CLIP1: variants seen among roughly 807,000 people sequenced by gnomAD.
CLIP1 encodes the protein CAP-Gly domain containing linker protein 1.
CLIP1 carries 66 observed loss-of-function variants against 161.6 expected under a neutral mutation model. The ratio of observed to expected loss-of-function variants is 0.41; its 90% confidence interval spans 0.33 to 0.50. The LOEUF (loss-of-function observed/expected upper bound fraction) is 0.50, where lower values mean the gene tolerates loss of function less well. Among genes scored for constraint, CLIP1 ranks in the 20% least tolerant of loss-of-function variants. CLIP1 has a pLI of 0.27. For missense variants in CLIP1, 1,376 were observed against 1,702.0 expected (o/e 0.81, Z 3.37); for synonymous variants, 598 against 626.2 (o/e 0.96, Z 0.67).
intron 10 of CLIP1, 33 bp from the exon 11 acceptor site, chr12:122,341,730 T>C: frequency 1.6e-6 from 1 of 614,002 alleles, no homozygotes; most frequent in Non-Finnish European, 2.4e-6. Context: ...AAAAAGATCA[T>C]TTAAATAACA....
chr12:122,373,330 C>T (rs1474074552), intron 3 of CLIP1, among the ~76,000 whole-genome samples: 4 of 150,912 alleles, frequency 2.7e-5, no homozygotes, highest in Middle Eastern at 6.3e-3. Flanking sequence ...GGCTGAGGCA[C>T]GAGAATCGCT....
chr12:122,328,565 A>ATTTTGTTTTG (rs66694613), intron 15 of CLIP1, 139 bp from the exon 16 acceptor site: 2 of 321,096 alleles, frequency 6.2e-6, no homozygotes, highest in Non-Finnish European at 1.1e-5. Context: ...TAGGCAAGAA[A>ATTTTGTTTTG]TTTTGTTTTG....
intron 21 of CLIP1, among the ~76,000 whole-genome samples, chr12:122,285,866 A>T (rs529052570): frequency 4.6e-4 from 69 of 150,266 alleles, no homozygotes; most frequent in South Asian, 6.3e-4. Flanking sequence ...TTTTTTTTTT[A>T]AAAAAGAAAC....
chr12:122,297,323 G>A (rs1021838735), intron 20 of CLIP1, among the ~76,000 whole-genome samples: 1 of 152,148 alleles, frequency 6.6e-6, no homozygotes, highest in African/African-American at 2.4e-5. Flanking sequence ...TGTAGGCTCA[G>A]TAAAACCACT....
At chr12:122,356,231 G>A (rs1293400487) in intron 5 of CLIP1, 2 of 152,124 alleles carry the variant, frequency 1.3e-5, no homozygotes, top group Non-Finnish European at 2.9e-5. Flanking sequence ...CATTAAATGT[G>A]TGGTTCCCAA....
At chr12:122,395,502 A>G (rs1955878333) in intron 1 of CLIP1, 1 of 152,196 alleles carries the variant, frequency 6.6e-6, no homozygotes, top group Non-Finnish European at 1.5e-5. Context: ...ACAAACAGGA[A>G]TTCTCATGTT....
chr12:122,354,670 C>G, intron 6 of CLIP1, 114 bp from the exon 7 acceptor site: 1 of 737,534 alleles, frequency 1.4e-6, no homozygotes, highest in Non-Finnish European at 2.3e-6. Flanking sequence ...ACTCTAAAAC[C>G]TTATGTTAAA....
chr12:122,360,915 T>C (rs780891780), intron 5 of CLIP1, 44 bp downstream of exon 5: 1 of 1,523,294 alleles, frequency 6.6e-7, no homozygotes, highest in South Asian at 1.2e-5. Flanking sequence ...CGGGCCTTAA[T>C]CCTGCCTGGG....
At chr12:122,413,607 A>T (rs1048249155) in intron 1 of CLIP1, among the ~76,000 whole-genome samples, 1 of 152,224 alleles carries the variant, frequency 6.6e-6, no homozygotes, top group Non-Finnish European at 1.5e-5. Flanking sequence ...AGAAAACATT[A>T]GGGCAGCAAA....
chr12:122,309,275 T>G (rs983829920), intron 20 of CLIP1, among the ~76,000 whole-genome samples: 1 of 152,246 alleles, frequency 6.6e-6, no homozygotes, highest in Non-Finnish European at 1.5e-5. Flanking sequence ...ATGCACAGTT[T>G]CATTAGAAAA....
chr12:122,387,805 G>A (rs1443531438), intron 1 of CLIP1, among the ~76,000 whole-genome samples: 1 of 150,836 alleles, frequency 6.6e-6, no homozygotes, highest in African/African-American at 2.4e-5. Context: ...AGGCTGGACT[G>A]GAACTCCTGG....
At chr12:122,382,875 G>C (rs1162145609) in intron 1 of CLIP1, among the ~76,000 whole-genome samples, 1 of 152,152 alleles carries the variant, frequency 6.6e-6, no homozygotes, top group Non-Finnish European at 1.5e-5. Context: ...TCAGTGATGA[G>C]GGAAAGAGAT....
In CLIP1 at chr12:122,361,011, G is replaced by A; in HGVS notation, c.953C>T (p.Ser318Phe). ...CACAGAGGAGGCCACTGAGCTCATGGAGCTGAGGGAAGAGGCAGAAGGGCT... is the reference window on the plus strand; with the variant it reads ...CACAGAGGAGGCCACTGAGCTCATGAAGCTGAGGGAAGAGGCAGAAGGGCT... ...KRSPSASSLS[S>F]MSSVASSVSS... The change falls in exon 5 of 26, where the codon TCC becomes TTC. Residue 318 changes from serine (S) to phenylalanine (F), a missense_variant. Around this residue, in one of 6 missense-constraint regions of CLIP1, gnomAD observed 211 missense variants for 295.1 expected, o/e 0.72. Transcript: ENST00000620786. 4 of 1,614,140 alleles carry A rather than the reference G, an allele frequency of 2.5e-6. No individual in the cohort carries two copies. Among genetic ancestry groups the A allele is most frequent in the Non-Finnish European group, 3.4e-6 (4 of 1,180,036 alleles).
chr12:122,351,260 CAGACAGACT>C (rs1408571093), intron 8 of CLIP1, 117 bp from the exon 9 acceptor site: 1 of 661,454 alleles, frequency 1.5e-6, no homozygotes, highest in African/African-American at 1.8e-5. Context: ...GTAAGTTTAT[CAGACAGACT>C]ATACAACCCA....
intron 1 of CLIP1, among the ~76,000 whole-genome samples, chr12:122,392,230 G>T (rs924679247): frequency 6.6e-6 from 1 of 151,976 alleles, no homozygotes; most frequent in Non-Finnish European, 1.5e-5. Context: ...ATGATTACAC[G>T]ACTGCACTCC....
At chr12:122,294,719 C>G (rs1009659797) in intron 20 of CLIP1, among the ~76,000 whole-genome samples, 2 of 151,914 alleles carry the variant, frequency 1.3e-5, no homozygotes, top group African/African-American at 4.8e-5. Context: ...GCCTGGGTGA[C>G]AGAGTGAGAC....
At chr12:122,301,031 T>G (rs1950658521) in intron 20 of CLIP1, among the ~76,000 whole-genome samples, 1 of 152,168 alleles carries the variant, frequency 6.6e-6, no homozygotes, top group African/African-American at 2.4e-5. Context: ...GCAGCTTAAC[T>G]AACTGGCCCT....
Position 122,272,928 on chromosome 12 carries a change from A to C in CLIP1, c.4264T>G (p.Cys1422Gly). 1 of 1,614,184 alleles carries C rather than the reference A, an allele frequency of 6.2e-7. No individual in the cohort carries two copies. The highest frequency in any genetic ancestry group is 1.1e-5 in the South Asian group (1 of 91,088). The change falls in exon 26 of 26, where the codon TGT becomes GGT. Residue 1422 changes from cysteine to glycine, a missense_variant. Cys to Gly is a radical substitution (Grantham distance 159). Transcript: ENST00000620786. ...GTGGCCCAGTGTCCAAACATCTCAC[A>C]GATTTCACAGTATGGGCGTTCCTCA... ...RGEERPYCEICEMFGHWATNC... is the reference protein window; with the variant it reads ...RGEERPYCEIGEMFGHWATNC...
chr12:122,317,311 T>C (rs1951309637), intron 18 of CLIP1, among the ~76,000 whole-genome samples: 1 of 152,262 alleles, frequency 6.6e-6, no homozygotes, highest in Non-Finnish European at 1.5e-5. Flanking sequence ...CAGATTTACA[T>C]AGTCCTCATT....
Sources: allele counts gnomAD v4.1 joint callset (sites outside exome capture counted in the v4.1 genomes callset), GRCh38; gene constraint gnomAD v4.1.1; regional missense constraint gnomAD v4.1.1; transcripts MANE v1.5; gene names NCBI Gene and HGNC (gene_info 2026-07-23, HGNC 2026-07-21).